The following WDR76 variants were observed in gnomAD, a reference collection of about 807,000 sequenced individuals.
The protein encoded by WDR76 is WD repeat-containing protein 76.
Under a neutral mutation model 70.2 loss-of-function variants are expected in WDR76, and 52 were observed. The ratio of observed to expected loss-of-function variants is 0.74; its 90% CI spans 0.59 to 0.93. The LOEUF (loss-of-function observed/expected upper bound fraction) is 0.93, where lower values mean the gene tolerates loss of function less well. Ranked by LOEUF, WDR76 falls within the 40% of genes least tolerant of loss-of-function variation. The probability of loss-of-function intolerance (pLI) is 0.00; values close to 1 mark genes in which losing one functional copy is unlikely to be tolerated. For missense variants in WDR76, 756 were observed against 760.2 expected (o/e 0.99, Z 0.07); for synonymous variants, 292 against 271.1 (o/e 1.08, Z -0.76).
At chr15:43,847,150 C>T (rs748745005) in intron 8 of WDR76, among the ~76,000 whole-genome samples, 1 of 152,018 alleles carries the variant, frequency 6.6e-6, no homozygotes, top group African/African-American at 2.4e-5. Flanking sequence ...AGCAATATTA[C>T]CTTGTCTATC....
Position 43,866,292 on chromosome 15 carries a change from C to T in WDR76, c.1781C>T (p.Ser594Phe), listed in dbSNP as rs1216768036. ...TCGTTTGGTGGAGAATACCTTGTCT[C>T]TGTGTGTTCCATCAATGCCATGCAC... ...VHSFGGEYLV[S>F]VCSINAMHPT... is the part of the protein sequence containing the mutation. The change falls in exon 13 of 13, where the codon TCT (serine) becomes TTT (phenylalanine). Residue 594 changes from serine (S) to phenylalanine (F), a missense_variant. By Grantham distance (155) the Ser-to-Phe change is radical. Coordinates refer to ENST00000263795, the MANE Select transcript of WDR76 (RefSeq NM_024908.4). 1 of 1,614,076 alleles carries T rather than the reference C, an allele frequency of 6.2e-7. No individual in the cohort carries two copies. The highest frequency in any genetic ancestry group is 1.3e-5 in the African/African-American group (1 of 74,998).
Position 43,828,161 on chromosome 15 carries a change from TAAAG to T in WDR76, c.261_264del (p.Lys88LeufsTer10), listed in dbSNP as rs751050532. 3 of 1,613,908 alleles carry T rather than the reference TAAAG, an allele frequency of 1.9e-6. No homozygotes were observed. Among genetic ancestry groups the T allele is most frequent in the Admixed American group, 1.7e-5 (1 of 59,952 alleles). On this transcript the variant is annotated frameshift_variant, in exon 2 of 13. Transcript: ENST00000263795. LOFTEE classifies it high-confidence loss of function. ...GAAGTGGCGTGTAAGAAGACTAAAA[TAAAG>T]AAAACTTGCAGAAGGATTATACCTC...
At chr15:43,863,561 A>T (rs2165065) in intron 12 of WDR76, among the ~76,000 whole-genome samples, 41,368 of 138,726 alleles carry the variant, frequency 0.3, 7,690 homozygotes, top group African/African-American at 0.54. Flanking sequence ...CTCTTTTTTA[A>T]AAAAAAAAAA....
rs745811846 is a variant in WDR76 at position 43,858,658 on chromosome 15, TC to T, written c.1410-12del. On this transcript the variant is annotated splice_polypyrimidine_tract_variant and intron_variant, in intron 10 of 12. Transcript: ENST00000263795. The stretch of plus-strand genomic sequence containing the variant: ...TACTATGGCAACATTGATCATTGTT[TC>T]TCCCATTACAGGGATACTCATATTT... 8 of 1,612,506 alleles carry T rather than the reference TC, an allele frequency of 5.0e-6. No homozygotes were observed. Among genetic ancestry groups the T allele is most frequent in the Non-Finnish European group, 6.8e-6 (8 of 1,179,344 alleles).
intron 2 of WDR76, among the ~76,000 whole-genome samples, chr15:43,832,243 T>C (rs2087598330): frequency 6.6e-6 from 1 of 152,108 alleles, no homozygotes; most frequent in African/African-American, 2.4e-5. Flanking sequence ...TTTAAGATCT[T>C]TTCTGGCTGG....
At chr15:43,858,611 T>A in intron 10 of WDR76, 60 bp from the exon 11 acceptor site, 1 of 1,581,876 alleles carries the variant, frequency 6.3e-7, no homozygotes, top group South Asian at 1.2e-5. Context: ...TGTTTAGCCC[T>A]GTTGTAGAGG....
At chr15:43,855,331 A>G (rs536184353) in intron 9 of WDR76, among the ~76,000 whole-genome samples, 1 of 152,354 alleles carries the variant, frequency 6.6e-6, no homozygotes, top group East Asian at 1.9e-4. Flanking sequence ...ACTGAGGCAG[A>G]GAGGTTTATG....
chr15:43,864,435 A>G (rs370419533), intron 12 of WDR76, among the ~76,000 whole-genome samples: 1 of 152,034 alleles, frequency 6.6e-6, no homozygotes, highest in East Asian at 1.9e-4. Context: ...TGCTGTTTTC[A>G]TAATGGCCAT....
chr15:43,868,263 GT>G lies in WDR76; in HGVS notation c.*1873del, dbSNP rs1253686338. The G allele has an allele frequency of 6.6e-6, 1 of 152,160 alleles. No homozygotes were observed. The allele number at this position is 152,160 out of a possible 1,614,324, so 9.4% of individuals were successfully genotyped here. ...ATTTCTATACCAATTAATCTCATGG[GT>G]TCTAGAGTGGTTAGTTCTACGGGAA... On this transcript the variant is annotated 3_prime_UTR_variant, in exon 13 of 13. Coordinates refer to ENST00000263795, the MANE Select transcript of WDR76 (RefSeq NM_024908.4).
rs556876357 is a variant in WDR76, at chr15:43,837,753, C to G, written c.608+1537C>G. Reference sequence around the variant, plus strand: ...GTTGAAAAATTATACAGGTCCCATCCATGTACCTGCCATCCAGGTTAATAG... The same window carrying G: ...GTTGAAAAATTATACAGGTCCCATCGATGTACCTGCCATCCAGGTTAATAG... On this transcript the variant is annotated intron_variant, in intron 4 of 12. Coordinates refer to ENST00000263795, the MANE Select transcript of WDR76 (RefSeq NM_024908.4). 4.0e-3 allele frequency among the ~76,000 whole-genome samples: 603 copies of G among 152,200 alleles called. 3 individuals carry two copies. Among genetic ancestry groups the G allele is most frequent in the Middle Eastern group, 0.017 (5 of 294 alleles).
intron 11 of WDR76, among the ~76,000 whole-genome samples, chr15:43,860,048 C>G (rs886569340): frequency 5.9e-5 from 9 of 152,096 alleles, no homozygotes; most frequent in African/African-American, 2.2e-4. Flanking sequence ...CCCAGGAGTT[C>G]GAGACCAGCC....
In WDR76 at chr15:43,858,745, C is replaced by A; in HGVS notation, c.1484C>A (p.Thr495Lys). 1.2e-6 allele frequency: 2 copies of A among 1,614,148 alleles called. No homozygotes were observed. Among genetic ancestry groups the A allele is most frequent in the Non-Finnish European group, 8.5e-7 (1 of 1,180,024 alleles). ...SQPLISLTEH[T>K]KSIASAYFSP... is the part of the protein sequence containing the mutation. Reference sequence around the variant, plus strand: ...CCTTTGATTTCTTTGACTGAACATACAAAGAGCATTGCTTCCGCCTATTTT... The same window carrying A: ...CCTTTGATTTCTTTGACTGAACATAAAAAGAGCATTGCTTCCGCCTATTTT... Residue 495 changes from threonine to lysine, a missense_variant, in exon 11 of 13, where the codon ACA (threonine) becomes AAA (lysine). Transcript: ENST00000263795.
intron 9 of WDR76, among the ~76,000 whole-genome samples, chr15:43,856,575 T>C (rs1428372833): frequency 6.6e-6 from 1 of 151,842 alleles, no homozygotes; most frequent in Non-Finnish European, 1.5e-5. Context: ...GATCAGTGCC[T>C]TTGTTTCTTT....
At chr15:43,841,206 T>G (rs1284410892) in intron 5 of WDR76, among the ~76,000 whole-genome samples, 5 of 145,146 alleles carry the variant, frequency 3.4e-5, no homozygotes, top group Admixed American at 6.8e-5. Flanking sequence ...TTTTTGTTTT[T>G]TTTTTTTTTT....
At chr15:43,848,775 C>G (rs1349960310) in intron 8 of WDR76, among the ~76,000 whole-genome samples, 1 of 152,086 alleles carries the variant, frequency 6.6e-6, no homozygotes, top group Non-Finnish European at 1.5e-5. Context: ...CCTGTCTCTA[C>G]TAAAAATACA....
intron 9 of WDR76, among the ~76,000 whole-genome samples, chr15:43,855,701 T>C (rs1595451463): frequency 6.6e-6 from 1 of 152,274 alleles, no homozygotes; most frequent in South Asian, 2.1e-4. Context: ...GCTCATGATA[T>C]AGTCGGGCAT....
At position 43,843,885 on chromosome 15, in the gene WDR76, T is replaced by G. The variant is rs765838463; in HGVS notation, c.879-16T>G. The stretch of plus-strand genomic sequence containing the variant: ...ATTGGTTTTACTTACAAAATTTAAC[T>G]TTGTAATTTTCTTAGCTACAAAGCC... On this transcript the variant is annotated splice_polypyrimidine_tract_variant and intron_variant, in intron 7 of 12. Transcript: ENST00000263795. 1 of 1,542,318 alleles carries G rather than the reference T, an allele frequency of 6.5e-7. No individual in the cohort carries two copies. Among genetic ancestry groups the G allele is most frequent in the Admixed American group, 2.0e-5 (1 of 48,934 alleles).
rs2087537565 is a variant in WDR76 at position 43,827,960 on chromosome 15, A to T, written c.61-5A>T. 1 of 1,599,354 alleles carries T rather than the reference A, an allele frequency of 6.3e-7. No homozygotes were observed. The highest frequency in any genetic ancestry group is 1.3e-5 in the African/African-American group (1 of 74,078). ...TATTCTGTTTTCTTTTATTGATCTG[A>T]ATAGGTAAATGAATATAAAGAAAAT... On this transcript the variant is annotated splice_polypyrimidine_tract_variant and splice_region_variant and intron_variant, in intron 1 of 12. Transcript: ENST00000263795.
At chr15:43,829,453 A>G (rs187417795) in intron 2 of WDR76, among the ~76,000 whole-genome samples, 34 of 150,290 alleles carry the variant, frequency 2.3e-4, no homozygotes, top group African/African-American at 7.8e-4. Flanking sequence ...AGCATGGGGT[A>G]AGTATTAAAT....
Sources: gnomAD v4.1 joint callset for allele counts (sites outside exome capture counted in the v4.1 genomes callset) on GRCh38, gnomAD v4.1.1 for gene constraint, MANE v1.5 for transcripts, NCBI Gene and HGNC (gene_info 2026-07-23, HGNC 2026-07-21) for gene names.